The following RIF1 variants were observed in gnomAD, a reference collection of about 807,000 sequenced individuals.
RIF1 encodes the protein telomere-associated protein RIF1.
A neutral mutation model predicts 247.1 loss-of-function variants in RIF1; 45 were observed. The observed-to-expected ratio is 0.18, with a 90% CI of 0.14 to 0.23. The LOEUF is 0.23. Among genes scored for constraint, RIF1 ranks in the 10% least tolerant of loss-of-function variants. The probability of loss-of-function intolerance (pLI) is 1.00; values close to 1 mark genes in which losing one functional copy is unlikely to be tolerated. For synonymous variants in RIF1, 1,087 were observed against 978.8 expected (o/e 1.11, Z -2.06); for missense variants, 2,967 against 2,862.5 (o/e 1.04, Z -0.83).
intron 20 of RIF1, among the ~76,000 whole-genome samples, chr2:151,450,268 T>A (rs546432422): frequency 9.8e-5 from 15 of 152,302 alleles, no homozygotes; most frequent in Admixed American, 3.9e-4. Context: ...TGTATTGTGA[T>A]CAGAGAGGAT....
At chr2:151,502,169 T>C (rs572813291) in intron 11 of RIF1, among the ~76,000 whole-genome samples, 1 of 152,230 alleles carries the variant, frequency 6.6e-6, no homozygotes, top group South Asian at 2.1e-4. Context: ...AACTAAGCTA[T>C]GAGGATGCAA....
intron 27 of RIF1, 91 bp downstream of exon 27, chr2:151,461,380 T>C: frequency 3.2e-6 from 4 of 1,256,740 alleles, no homozygotes; most frequent in Non-Finnish European, 3.4e-6. Context: ...AGAACTAAAA[T>C]ATGTGTACTA....
intron 16 of RIF1, among the ~76,000 whole-genome samples, chr2:151,442,372 A>G: frequency 6.7e-6 from 1 of 148,774 alleles, no homozygotes; most frequent in Non-Finnish European, 1.5e-5. Flanking sequence ...TGTGCCCAGC[A>G]TATTTCCCTT....
intron 22 of RIF1, 52 bp downstream of exon 22, chr2:151,455,211 T>C (rs1412854746): frequency 4.4e-6 from 6 of 1,362,970 alleles, no homozygotes; most frequent in African/African-American, 2.9e-5. Flanking sequence ...AATTTAAATA[T>C]AGGTAGCAAC....
intron 33 of RIF1, among the ~76,000 whole-genome samples, chr2:151,469,458 T>G (rs1697458496): frequency 6.6e-6 from 1 of 152,172 alleles, no homozygotes; most frequent in South Asian, 2.1e-4. Flanking sequence ...TTAAGAATTA[T>G]CTATTAATGA....
chr2:151,495,998 G>T (rs187180051), intron 10 of RIF1, among the ~76,000 whole-genome samples: 1 of 152,146 alleles, frequency 6.6e-6, no homozygotes, highest in African/African-American at 2.4e-5. Flanking sequence ...AGAGACCTTG[G>T]GGGTAGTGGA....
the RIF1 span, chr2:151,525,398 A>T: frequency 1.5e-6 from 1 of 674,486 alleles, no homozygotes; most frequent in South Asian, 1.8e-5. Context: ...TGGGACTTAG[A>T]TAAGACCCAT....
intron 7 of RIF1, among the ~76,000 whole-genome samples, chr2:151,422,477 G>A (rs1271047592): frequency 6.6e-6 from 1 of 151,504 alleles, no homozygotes; most frequent in Non-Finnish European, 1.5e-5. Flanking sequence ...ATATGCTTCA[G>A]TTTTCCTTTT....
At position 151,463,782 on chromosome 2, in the gene RIF1, G is replaced by A. The variant is rs150802512; in HGVS notation, c.4262G>A (p.Arg1421His). 118 of 1,613,650 alleles carry A rather than the reference G, an allele frequency of 7.3e-5. No homozygotes were observed. The highest frequency in any genetic ancestry group is 3.1e-4 in the South Asian group (28 of 91,040). Residue 1421 changes from arginine to histidine, a missense_variant, in exon 30 of 36, where the codon CGT becomes CAT. Arg to His is a conservative substitution (Grantham distance 29). Transcript: ENST00000444746. ...ACCCTTAGACGGTCTTCAAGGCGAC[G>A]TTCAGAAGTAGTAGAGTCTACCACT... is the stretch of plus-strand genomic sequence containing the variant. ...QKTLRRSSRR[R>H]SEVVESTTES...
Position 151,473,944 on chromosome 2 carries a change from C to G in RIF1, c.7096-20C>G. The G allele has an allele frequency of 7.5e-7, 1 of 1,337,882 alleles. No homozygotes were observed. Among genetic ancestry groups the G allele is most frequent in the Non-Finnish European group, 1.1e-6 (1 of 936,096 alleles). The allele number at this position is 1,337,882 out of a possible 1,614,324, so 82.9% of individuals were successfully genotyped here. A position where few individuals can be genotyped will look rare whatever the true frequency, so the allele number is the denominator to read the frequency against. ...TGTTGTTGTTGTTTTGCGTTTTTTT[C>G]TGCTCCAACTGTAATCAAGGTGAAG... On this transcript the variant is annotated intron_variant, in intron 34 of 35. Coordinates refer to ENST00000444746, the MANE Select transcript of RIF1 (RefSeq NM_018151.5).
chr2:151,416,493 AG>A, intron 4 of RIF1, 67 bp from the exon 5 acceptor site: 1 of 1,334,796 alleles, frequency 7.5e-7, no homozygotes, highest in South Asian at 1.4e-5. Flanking sequence ...TGTTTTCTCT[AG>A]TTTTATATTT....
At chr2:151,455,724 A>T (rs1574085738) in intron 22 of RIF1, among the ~76,000 whole-genome samples, 1 of 152,192 alleles carries the variant, frequency 6.6e-6, no homozygotes, top group South Asian at 2.1e-4. Flanking sequence ...AGTGTTGAGC[A>T]TCCATGGATT....
At chr2:151,519,166 T>G in the RIF1 span, 1 of 806,560 alleles carries the variant, frequency 1.2e-6, no homozygotes, top group East Asian at 2.6e-5. Context: ...AAACAAATGC[T>G]GGAGATGGTG....
chr2:151,501,366 A>AGTT (rs771113735), intron 11 of RIF1: 3 of 1,386,732 alleles, frequency 2.2e-6, no homozygotes, highest in Non-Finnish European at 3.0e-6. Context: ...TTTAATATGG[A>AGTT]GTTAAAGAGC....
the RIF1 span, chr2:151,529,132 G>T: frequency 1.1e-6 from 1 of 925,298 alleles, no homozygotes; most frequent in Non-Finnish European, 1.8e-6. Flanking sequence ...ATTGCCTGAA[G>T]AGATGTAAAA....
chr2:151,533,010 C>T, the RIF1 span, among the ~76,000 whole-genome samples: 4 of 152,124 alleles, frequency 2.6e-5, no homozygotes, highest in Admixed American at 6.5e-5. Flanking sequence ...TAGAGCTGCA[C>T]GGTAATCCTC....
chr2:151,417,137 C>T (rs898119092), intron 6 of RIF1, among the ~76,000 whole-genome samples: 24 of 152,158 alleles, frequency 1.6e-4, no homozygotes, highest in African/African-American at 5.8e-4. Flanking sequence ...GGTTATGTTC[C>T]TGCTAGTAAC....
At chr2:151,508,827 G>A (rs541504956), downstream of RIF1, among the ~76,000 whole-genome samples, 14 of 152,248 alleles carry the variant, frequency 9.2e-5, no homozygotes, top group Non-Finnish European at 1.9e-4. Flanking sequence ...CTGGAGAGAC[G>A]TGTCCATATA....
Position 151,465,891 on chromosome 2 carries a change from C to T in RIF1, c.6371C>T (p.Ser2124Leu), listed in dbSNP as rs775802373. 2 of 1,613,904 alleles carry T rather than the reference C, an allele frequency of 1.2e-6. No homozygotes were observed. The highest frequency in any genetic ancestry group is 2.2e-5 in the South Asian group (2 of 91,080). The change falls in exon 30 of 36, where the codon TCA (serine) becomes TTA (leucine). Residue 2124 changes from serine (S) to leucine (L), a missense_variant. Physicochemically the swap from Ser to Leu is moderately radical, Grantham distance 145. Transcript: ENST00000444746. ...HHTSQKVEEP[S>L]QCLASGTAIS... ...ACTTCACAGAAAGTGGAGGAACCAT[C>T]ACAGTGTCTGGCATCTGGAACAGCT...
Sources: gnomAD v4.1 joint callset for allele counts (sites outside exome capture counted in the v4.1 genomes callset) on GRCh38, gnomAD v4.1.1 for gene constraint, MANE v1.5 for transcripts, NCBI Gene and HGNC (gene_info 2026-07-23, HGNC 2026-07-21) for gene names.